Variants in EFNA5 observed in about 807,000 individuals in gnomAD.
EFNA5 encodes ephrin A5, also known as ephrin-A5.
A neutral mutation model predicts 22.9 loss-of-function variants in EFNA5; 5 were observed. The observed-to-expected ratio is 0.22, with a 90% CI of 0.11 to 0.46. The LOEUF (loss-of-function observed/expected upper bound fraction) is 0.46, where lower values mean the gene tolerates loss of function less well. Among genes scored for constraint, EFNA5 ranks in the 20% least tolerant of loss-of-function variants. The pLI, the probability that EFNA5 is intolerant of heterozygous loss-of-function variation, is 0.99. For missense variants in EFNA5, 237 were observed against 293.3 expected (o/e 0.81, Z 1.40); for synonymous variants, 113 against 112.2 (o/e 1.01, Z -0.04).
rs929723810 is a variant in EFNA5 at position 107,476,724 on chromosome 5, AT to A, written c.126-49216del. 7.0e-4 allele frequency among the ~76,000 whole-genome samples: 83 copies of A among 119,066 alleles called. 1 individual carries two copies. Among genetic ancestry groups the A allele is most frequent in the African/African-American group, 2.3e-3 (67 of 28,570 alleles). The allele number at this position is 119,066 out of a possible 152,430, so 78.1% of individuals were successfully genotyped here. A position where few individuals can be genotyped will look rare whatever the true frequency, so the allele number is the denominator to read the frequency against. On this transcript the variant is annotated intron_variant, in intron 1 of 4. Coordinates refer to ENST00000333274, the MANE Select transcript of EFNA5 (RefSeq NM_001962.3). Reference sequence around the variant, plus strand: ...CCATTTAGCTGCCCTTAAAATGTTTATTTTTTCTCTTTCTCTCTCTCTCTCT... The same window carrying A: ...CCATTTAGCTGCCCTTAAAATGTTTATTTTTCTCTTTCTCTCTCTCTCTCT...
At chr5:107,420,840 AAT>A (rs1251964426) in intron 2 of EFNA5, among the ~76,000 whole-genome samples, 7 of 152,184 alleles carry the variant, frequency 4.6e-5, no homozygotes, top group Non-Finnish European at 1.0e-4. Flanking sequence ...TTTTCTTTGA[AAT>A]ATATAGCTTT....
At chr5:107,395,034 C>CTTTTTTATTTTTTT (rs1747883858) in intron 2 of EFNA5, among the ~76,000 whole-genome samples, 1 of 86,142 alleles carries the variant, frequency 1.2e-5, no homozygotes, top group Non-Finnish European at 2.2e-5. Flanking sequence ...ATTTCTAGTT[C>CTTTTTTATTTTTTT]TTTTTTTTTT....
chr5:107,402,991 C>A (rs895084104), intron 2 of EFNA5, among the ~76,000 whole-genome samples: 2 of 152,154 alleles, frequency 1.3e-5, no homozygotes, highest in African/African-American at 4.8e-5. Context: ...ATTTCAATTC[C>A]CTGCAGTGTG....
chr5:107,400,219 T>C (rs1283764235), intron 2 of EFNA5, among the ~76,000 whole-genome samples: 1 of 152,118 alleles, frequency 6.6e-6, no homozygotes. Flanking sequence ...TAGCCTTATA[T>C]ATAGAATAAA....
chr5:107,629,900 C>G (rs1038629829), intron 1 of EFNA5, among the ~76,000 whole-genome samples: 10 of 151,868 alleles, frequency 6.6e-5, no homozygotes, highest in Admixed American at 2.6e-4. Flanking sequence ...CTACTAAAAG[C>G]ACAACATTAG....
chr5:107,432,073 T>C (rs1748977767), intron 1 of EFNA5, among the ~76,000 whole-genome samples: 1 of 152,212 alleles, frequency 6.6e-6, no homozygotes, highest in South Asian at 2.1e-4. Flanking sequence ...ACTGGTCTTC[T>C]AGCAGAGCAT....
intron 1 of EFNA5, among the ~76,000 whole-genome samples, chr5:107,627,615 G>T (rs1750168388): frequency 8.0e-6 from 1 of 124,476 alleles, no homozygotes; most frequent in African/African-American, 3.1e-5. Context: ...CAACCTGGGT[G>T]ACAGATCAAG....
intron 2 of EFNA5, among the ~76,000 whole-genome samples, chr5:107,408,885 A>G (rs982735316): frequency 2.1e-5 from 3 of 145,294 alleles, no homozygotes; most frequent in Admixed American, 1.4e-4. Context: ...TCAGGGCCTT[A>G]CACTTTAAAG....
chr5:107,457,951 AACAG>A (rs1176709350), intron 1 of EFNA5, among the ~76,000 whole-genome samples: 1 of 152,202 alleles, frequency 6.6e-6, no homozygotes, highest in East Asian at 1.9e-4. Context: ...CAGATGTAGT[AACAG>A]ACAAAGAGAG....
intron 2 of EFNA5, among the ~76,000 whole-genome samples, chr5:107,410,300 A>T (rs1394707133): frequency 6.6e-6 from 1 of 152,100 alleles, no homozygotes; most frequent in African/African-American, 2.4e-5. Flanking sequence ...AATAAGTGAC[A>T]TGAGTCTTTG....
chr5:107,665,738 T>C (rs1431047409), intron 1 of EFNA5, among the ~76,000 whole-genome samples: 1 of 152,204 alleles, frequency 6.6e-6, no homozygotes, highest in Non-Finnish European at 1.5e-5. Flanking sequence ...AGAACATATC[T>C]TAGTAGCTAA....
chr5:107,487,173 T>G (rs1218775982), intron 1 of EFNA5, among the ~76,000 whole-genome samples: 1 of 152,166 alleles, frequency 6.6e-6, no homozygotes, highest in East Asian at 1.9e-4. Context: ...TGAGCCACAT[T>G]CTGCTCTGCC....
chr5:107,498,409 A>G (rs1169329641), intron 1 of EFNA5, among the ~76,000 whole-genome samples: 1 of 152,198 alleles, frequency 6.6e-6, no homozygotes, highest in Non-Finnish European at 1.5e-5. Context: ...TGATTCATGC[A>G]TATTATACCA....
intron 1 of EFNA5, among the ~76,000 whole-genome samples, chr5:107,618,872 C>G (rs147203475): frequency 1.2e-4 from 18 of 152,156 alleles, no homozygotes; most frequent in Non-Finnish European, 2.5e-4. Context: ...GGGATATACC[C>G]ATAATCATTC....
At chr5:107,415,842 A>T (rs1748490888) in intron 2 of EFNA5, among the ~76,000 whole-genome samples, 1 of 152,254 alleles carries the variant, frequency 6.6e-6, no homozygotes, top group Non-Finnish European at 1.5e-5. Flanking sequence ...AATAATTTGC[A>T]GCTGCTGTGC....
chr5:107,650,419 G>T (rs1369802141), intron 1 of EFNA5, among the ~76,000 whole-genome samples: 1 of 152,038 alleles, frequency 6.6e-6, no homozygotes, highest in Non-Finnish European at 1.5e-5. Flanking sequence ...TAAACTCTAT[G>T]GCAAGAACTC....
intron 1 of EFNA5, among the ~76,000 whole-genome samples, chr5:107,609,522 T>G (rs1316106525): frequency 6.6e-6 from 1 of 152,100 alleles, no homozygotes; most frequent in East Asian, 1.9e-4. Context: ...AGAAGAGGTC[T>G]TAAAACACGG....
chr5:107,606,786 G>A (rs182372525), intron 1 of EFNA5, among the ~76,000 whole-genome samples: 4 of 152,106 alleles, frequency 2.6e-5, no homozygotes, highest in Non-Finnish European at 4.4e-5. Context: ...CCCTCTCTCC[G>A]TGAACAATGC....
At chr5:107,526,371 A>T (rs1330545143) in intron 1 of EFNA5, among the ~76,000 whole-genome samples, 2 of 152,214 alleles carry the variant, frequency 1.3e-5, no homozygotes, top group Non-Finnish European at 2.9e-5. Context: ...GCAGCAGTTC[A>T]TTCCAGTGTA....
Sources: allele counts gnomAD v4.1 joint callset (sites outside exome capture counted in the v4.1 genomes callset), GRCh38; gene constraint gnomAD v4.1.1; transcripts MANE v1.5; gene names NCBI Gene and HGNC (gene_info 2026-07-23, HGNC 2026-07-21).